The following GBE1 variants were observed in gnomAD, a reference collection of about 807,000 sequenced individuals.
GBE1 encodes 1,4-alpha-glucan-branching enzyme.
Under a neutral mutation model 88.8 loss-of-function variants are expected in GBE1, and 70 were observed. The observed-to-expected ratio is 0.79, with a 90% CI of 0.65 to 0.96. The LOEUF is 0.96. Ranked by LOEUF, GBE1 falls within the 40% of genes least tolerant of loss-of-function variation. GBE1 has a pLI of 0.00. For synonymous variants in GBE1, 284 were observed against 300.1 expected, an observed-to-expected ratio of 0.95 and a Z score of 0.56; for missense variants, 872 against 871.0, an observed-to-expected ratio of 1.00 and a Z score of -0.01.
intron 9 of GBE1, among the ~76,000 whole-genome samples, chr3:81,589,900 G>A: frequency 6.6e-6 from 1 of 151,968 alleles, no homozygotes; most frequent in Admixed American, 6.6e-5. Flanking sequence ...AAAAATATTA[G>A]CACAAGTATT....
chr3:81,517,291 T>C lies in GBE1; in HGVS notation c.1934+17904A>G, dbSNP rs879647238. On this transcript the variant is annotated intron_variant, in intron 14 of 15. Coordinates refer to ENST00000429644, the MANE Select transcript of GBE1 (RefSeq NM_000158.4). ...TACTTACAGAAGGCTCAGATGACCA[T>C]TAACATCTTTTAGCATACAGTATTT... Among the ~76,000 whole-genome samples, 5 of 151,558 alleles carry C rather than the reference T, an allele frequency of 3.3e-5. No individual in the cohort carries two copies. The Admixed American group carries it at 3.3e-4, about 10-fold the overall frequency.
intron 7 of GBE1, among the ~76,000 whole-genome samples, chr3:81,620,285 T>A (rs1704307668): frequency 6.6e-6 from 1 of 151,272 alleles, no homozygotes; most frequent in Non-Finnish European, 1.5e-5. Flanking sequence ...CGGGTTCAAG[T>A]GATTCTCCTG....
intron 12 of GBE1, among the ~76,000 whole-genome samples, chr3:81,541,557 C>T (rs1703143999): frequency 1.3e-5 from 2 of 150,752 alleles, no homozygotes; most frequent in South Asian, 2.1e-4. Flanking sequence ...GAGGGTTGAG[C>T]CCTCATGAAC....
At chr3:81,750,551 GTATATATATATGTA>G (rs1559708361) in intron 1 of GBE1, among the ~76,000 whole-genome samples, 1 of 52,348 alleles carries the variant, frequency 1.9e-5, no homozygotes, top group African/African-American at 1.2e-4. Flanking sequence ...ATATATATAT[GTATATATATATGTA>G]TATATATATA....
At position 81,754,372 on chromosome 3, in the gene GBE1, T is replaced by C. The variant is rs190246520; in HGVS notation, c.143+7003A>G. 2.2e-3 allele frequency among the ~76,000 whole-genome samples: 340 copies of C among 152,118 alleles called. 1 individual carries two copies. The highest frequency in any genetic ancestry group is 7.8e-3 in the African/African-American group (324 of 41,504). ...ATTAGAAGGATTAATATTGTTAAAA[T>C]GACAATACTAGCCAAGCAATTACAG... On this transcript the variant is annotated intron_variant, in intron 1 of 15. Coordinates refer to ENST00000429644, the MANE Select transcript of GBE1 (RefSeq NM_000158.4).
intron 2 of GBE1, among the ~76,000 whole-genome samples, chr3:81,689,531 T>A (rs915752755): frequency 9.2e-5 from 14 of 152,256 alleles, no homozygotes; most frequent in Admixed American, 8.5e-4. Flanking sequence ...TAACTACTGA[T>A]TAGATTTTAA....
At chr3:81,698,013 T>C (rs945434154) in intron 2 of GBE1, among the ~76,000 whole-genome samples, 1 of 148,012 alleles carries the variant, frequency 6.8e-6, no homozygotes, top group Non-Finnish European at 1.5e-5. Context: ...TATTAGGTGT[T>C]ATATATTATA....
chr3:81,544,882 G>A (rs932671785), intron 12 of GBE1, among the ~76,000 whole-genome samples: 8 of 152,096 alleles, frequency 5.3e-5, no homozygotes, highest in East Asian at 1.9e-4. Context: ...TGAACATTTT[G>A]ATTAGCAGGT....
chr3:81,634,154 C>G (rs867398747), intron 7 of GBE1, among the ~76,000 whole-genome samples: 43 of 152,286 alleles, frequency 2.8e-4, no homozygotes, highest in African/African-American at 1.0e-3. Context: ...GCCTCGTTCG[C>G]GAGTCCTGCT....
chr3:81,578,126 GAA>G (rs11376242), intron 11 of GBE1, 30 bp from the exon 12 acceptor site: 4 of 1,399,338 alleles, frequency 2.9e-6, no homozygotes, highest in Admixed American at 2.7e-5. Flanking sequence ...GGAGATAAAT[GAA>G]AAAAAAAAGT....
In GBE1 at chr3:81,593,407, C is replaced by T. The variant is rs1703908242; in HGVS notation, c.1108+501G>A. ...TAATAATAATAATAATAATTGTTCC[C>T]ATGTCATCTATTGAGGGATTAGTAT... On this transcript the variant is annotated intron_variant, in intron 8 of 15. Coordinates refer to ENST00000429644, the MANE Select transcript of GBE1 (RefSeq NM_000158.4). Among the ~76,000 whole-genome samples, 3 of 104,232 alleles carry T rather than the reference C, an allele frequency of 2.9e-5. No homozygotes were observed. The South Asian group carries it at 8.2e-4, about 29-fold the overall frequency. 68.4% of individuals were successfully genotyped at this position (104,232 alleles called of 152,430 possible). A position where few individuals can be genotyped will look rare whatever the true frequency, so the allele number is the denominator to read the frequency against.
chr3:81,588,611 C>T (rs991343325), intron 9 of GBE1, among the ~76,000 whole-genome samples: 3 of 152,060 alleles, frequency 2.0e-5, no homozygotes, highest in African/African-American at 4.8e-5. Context: ...TTGAAACCTA[C>T]ATTTGTCCCT....
intron 2 of GBE1, among the ~76,000 whole-genome samples, chr3:81,679,040 C>T (rs1261013143): frequency 2.0e-5 from 3 of 152,052 alleles, no homozygotes. Context: ...AACTAATGTA[C>T]ATCGGGCAAG....
chr3:81,664,414 G>C (rs1705079937), intron 3 of GBE1, among the ~76,000 whole-genome samples: 1 of 140,876 alleles, frequency 7.1e-6, no homozygotes, highest in South Asian at 2.2e-4. Flanking sequence ...AAATTAAATG[G>C]CAAAAATAGA....
At chr3:81,647,070 C>T (rs1284476494) in intron 5 of GBE1, among the ~76,000 whole-genome samples, 1 of 151,462 alleles carries the variant, frequency 6.6e-6, no homozygotes, top group Non-Finnish European at 1.5e-5. Context: ...AATTCTCATG[C>T]CTCAGCCTCC....
At chr3:81,750,551 G>GTATATATATATATATGTA (rs770974468) in intron 1 of GBE1, among the ~76,000 whole-genome samples, 3 of 52,348 alleles carry the variant, frequency 5.7e-5, no homozygotes, top group South Asian at 4.8e-4. Flanking sequence ...ATATATATAT[G>GTATATATATATATATGTA]TATATATATA....
chr3:81,538,138 C>T (rs530416257), intron 12 of GBE1, among the ~76,000 whole-genome samples: 7 of 151,684 alleles, frequency 4.6e-5, no homozygotes, highest in African/African-American at 9.7e-5. Flanking sequence ...TAATTAATGC[C>T]GCAAATTTCT....
At chr3:81,735,863 T>C (rs1027191608) in intron 1 of GBE1, among the ~76,000 whole-genome samples, 2 of 152,140 alleles carry the variant, frequency 1.3e-5, no homozygotes, top group Non-Finnish European at 2.9e-5. Context: ...TCCCCAGTTA[T>C]AGAGATCAAG....
chr3:81,750,104 C>G (rs753465811), intron 1 of GBE1, among the ~76,000 whole-genome samples: 9 of 137,372 alleles, frequency 6.6e-5, no homozygotes, highest in Admixed American at 2.9e-4. Context: ...ATAACACTGC[C>G]AATCAAAATG....
Sources: gnomAD v4.1 joint callset for allele counts (sites outside exome capture counted in the v4.1 genomes callset) on GRCh38, gnomAD v4.1.1 for gene constraint, MANE v1.5 for transcripts, NCBI Gene and HGNC (gene_info 2026-07-23, HGNC 2026-07-21) for gene names.